Variants in SYNDIG1L observed in about 807,000 individuals in gnomAD.
SYNDIG1L encodes the protein synapse differentiation inducing 1 like, also known as synapse differentiation-inducing gene protein 1-like.
In SYNDIG1L, 13 loss-of-function variants were observed where a neutral mutation model predicts 20.1. The observed-to-expected ratio is 0.65, with a 90% confidence interval of 0.42 to 1.03. The LOEUF is 1.03. Ranked by LOEUF, SYNDIG1L falls within the 50% of genes least tolerant of loss-of-function variation. The pLI, the probability that SYNDIG1L is intolerant of heterozygous loss-of-function variation, is 0.00. For synonymous variants in SYNDIG1L, 128 were observed against 129.3 expected (o/e 0.99, Z 0.07); for missense variants, 294 against 305.1 (o/e 0.96, Z 0.27).
the SYNDIG1L span, among the ~76,000 whole-genome samples, chr14:74,467,516 C>T: frequency 1.1e-4 from 17 of 152,216 alleles, no homozygotes; most frequent in Non-Finnish European, 2.2e-4. Context: ...CAAGTGCATT[C>T]AGACTTGGCC....
At chr14:74,452,795 G>C in the SYNDIG1L span, among the ~76,000 whole-genome samples, 142 of 152,262 alleles carry the variant, frequency 9.3e-4, no homozygotes, top group Non-Finnish European at 1.9e-4. Context: ...GTTCAAAGCA[G>C]CTCTGTTTCT....
chr14:74,477,083 CACACACAA>C, the SYNDIG1L span, among the ~76,000 whole-genome samples: 1 of 122,078 alleles, frequency 8.2e-6, no homozygotes, highest in African/African-American at 3.4e-5. Context: ...CACACACACA[CACACACAA>C]CCCTGTCTCC....
chr14:74,464,162 G>A, the SYNDIG1L span, among the ~76,000 whole-genome samples: 4 of 152,166 alleles, frequency 2.6e-5, no homozygotes, highest in Non-Finnish European at 5.9e-5. Context: ...CAGAGGGTAG[G>A]GTTGTGGGTA....
intron 1 of SYNDIG1L, among the ~76,000 whole-genome samples, chr14:74,417,895 G>A (rs773270283): frequency 1.3e-5 from 2 of 152,170 alleles, no homozygotes; most frequent in African/African-American, 2.4e-5. Context: ...AGGGGTAGCT[G>A]CCTAGATAAC....
chr14:74,479,176 G>C, the SYNDIG1L span: 1 of 152,340 alleles, frequency 6.6e-6, no homozygotes, highest in African/African-American at 2.4e-5. Context: ...CATTAACTAG[G>C]AAAGCTTGGC....
At chr14:74,467,851 G>C in the SYNDIG1L span, among the ~76,000 whole-genome samples, 1 of 152,092 alleles carries the variant, frequency 6.6e-6, no homozygotes, top group Non-Finnish European at 1.5e-5. Flanking sequence ...TCAGAGAAAG[G>C]TGCCAGGAGA....
chr14:74,475,188 T>C, the SYNDIG1L span, among the ~76,000 whole-genome samples: 1 of 151,866 alleles, frequency 6.6e-6, no homozygotes, highest in African/African-American at 2.4e-5. Context: ...GCAGTTTCCA[T>C]GGCTGCAACC....
the SYNDIG1L span, among the ~76,000 whole-genome samples, chr14:74,459,657 C>T: frequency 6.6e-6 from 1 of 152,232 alleles, no homozygotes; most frequent in East Asian, 1.9e-4. Context: ...GGTCCAGGAG[C>T]CTGTGGGGGG....
At chr14:74,420,390 C>CAAAA (rs33945889) in intron 1 of SYNDIG1L, among the ~76,000 whole-genome samples, 3 of 99,256 alleles carry the variant, frequency 3.0e-5, no homozygotes, top group African/African-American at 3.9e-5. Context: ...GAGACTCTGT[C>CAAAA]AAAAAAAAAA....
chr14:74,408,603 G>T (rs1039817461), intron 2 of SYNDIG1L, among the ~76,000 whole-genome samples: 1 of 151,206 alleles, frequency 6.6e-6, no homozygotes, highest in African/African-American at 2.4e-5. Flanking sequence ...AATGACCAGT[G>T]ACCAGGAGAC....
At chr14:74,477,689 G>T in the SYNDIG1L span, among the ~76,000 whole-genome samples, 3 of 152,192 alleles carry the variant, frequency 2.0e-5, no homozygotes, top group African/African-American at 7.2e-5. Context: ...GAGATATGAG[G>T]TGTTGGGTTC....
the SYNDIG1L span, among the ~76,000 whole-genome samples, chr14:74,461,823 G>A: frequency 3.5e-4 from 52 of 148,540 alleles, no homozygotes; most frequent in Non-Finnish European, 3.9e-4. Flanking sequence ...GCTCATGTCT[G>A]TAATGCCAGC....
At chr14:74,410,422 G>A (rs551230028) in intron 1 of SYNDIG1L, among the ~76,000 whole-genome samples, 7 of 152,336 alleles carry the variant, frequency 4.6e-5, no homozygotes, top group African/African-American at 7.2e-5. Context: ...GGAGGTGTGC[G>A]ATGGGGTGTG....
At chr14:74,440,756 T>C in the SYNDIG1L span, among the ~76,000 whole-genome samples, 1 of 151,124 alleles carries the variant, frequency 6.6e-6, no homozygotes, top group African/African-American at 2.4e-5. Flanking sequence ...TATTACACTA[T>C]TTTTTTTTAA....
chr14:74,453,377 AAAAAAAAAAAAAAAG>A, the SYNDIG1L span, among the ~76,000 whole-genome samples: 23 of 70,384 alleles, frequency 3.3e-4, 2 homozygotes, highest in African/African-American at 6.3e-4. Flanking sequence ...AAAAAAAAAA[AAAAAAAAAAAAAAAG>A]AAGAAGAAGA....
At chr14:74,440,368 G>T in the SYNDIG1L span, among the ~76,000 whole-genome samples, 1 of 152,132 alleles carries the variant, frequency 6.6e-6, no homozygotes, top group Non-Finnish European at 1.5e-5. Flanking sequence ...ACAAAAATTA[G>T]CCGGGCGTGG....
the SYNDIG1L span, among the ~76,000 whole-genome samples, chr14:74,436,136 A>AT: frequency 6.6e-6 from 1 of 152,078 alleles, no homozygotes. Context: ...GGACAAATAC[A>AT]TATATGTACA....
chr14:74,413,448 A>G (rs956634061), intron 1 of SYNDIG1L, among the ~76,000 whole-genome samples: 10 of 152,226 alleles, frequency 6.6e-5, no homozygotes, highest in African/African-American at 1.7e-4. Context: ...GACGTGAGAA[A>G]ATACTCATTG....
chr14:74,430,480 G>A (rs969446343), upstream of SYNDIG1L, among the ~76,000 whole-genome samples: 1 of 151,940 alleles, frequency 6.6e-6, no homozygotes. Context: ...CTGTCACCCA[G>A]GCTAGAGTGC....
Sources: gnomAD v4.1 joint callset for allele counts (sites outside exome capture counted in the v4.1 genomes callset) on GRCh38, gnomAD v4.1.1 for gene constraint, MANE v1.5 for transcripts, NCBI Gene and HGNC (gene_info 2026-07-23, HGNC 2026-07-21) for gene names.